PACRG: variants seen among roughly 807,000 people sequenced by gnomAD.
PACRG encodes the protein parkin coregulated gene protein.
Under a neutral mutation model 29.7 loss-of-function variants are expected in PACRG, and 29 were observed. The observed-to-expected ratio is 0.98, with a 90% confidence interval of 0.73 to 1.33. PACRG has a LOEUF of 1.33. Among genes scored for constraint, PACRG ranks in the 40% most tolerant of loss-of-function variants. PACRG has a pLI of 0.00. For missense variants in PACRG, 279 were observed against 316.2 expected (o/e 0.88, Z 0.89); for synonymous variants, 116 against 118.7 (o/e 0.98, Z 0.15).
intron 4 of PACRG, among the ~76,000 whole-genome samples, chr6:163,094,710 A>G (rs1307527384): frequency 6.6e-6 from 1 of 152,172 alleles, no homozygotes; most frequent in African/African-American, 2.4e-5. Context: ...CTACGCAACC[A>G]GTACTTATTT....
chr6:162,884,128 T>A (rs1479656466), intron 2 of PACRG, among the ~76,000 whole-genome samples: 1 of 152,132 alleles, frequency 6.6e-6, no homozygotes, highest in Non-Finnish European at 1.5e-5. Context: ...TTTGTAGAGA[T>A]GGTGTTTCAC....
At chr6:162,787,543 A>T (rs1200968573) in intron 1 of PACRG, among the ~76,000 whole-genome samples, 2 of 138,406 alleles carry the variant, frequency 1.4e-5, no homozygotes, top group Non-Finnish European at 1.5e-5. Context: ...GTGTTTGTGT[A>T]TATATATATG....
At chr6:162,747,204 A>G (rs1043260597) in intron 1 of PACRG, among the ~76,000 whole-genome samples, 2 of 150,362 alleles carry the variant, frequency 1.3e-5, no homozygotes, top group Non-Finnish European at 3.0e-5. Flanking sequence ...AAAAATGTGA[A>G]CAGAGAGACT....
intron 2 of PACRG, among the ~76,000 whole-genome samples, chr6:162,987,402 C>T (rs558985440): frequency 6.6e-5 from 10 of 152,222 alleles, no homozygotes; most frequent in African/African-American, 2.2e-4. Flanking sequence ...TGGCTATGTC[C>T]CCACCCAAAT....
intron 2 of PACRG, among the ~76,000 whole-genome samples, chr6:162,814,596 T>C (rs1474004881): frequency 6.6e-6 from 1 of 152,162 alleles, no homozygotes; most frequent in Non-Finnish European, 1.5e-5. Context: ...ATGGAACTGG[T>C]GGCTGGATAC....
intron 4 of PACRG, among the ~76,000 whole-genome samples, chr6:163,300,326 G>T (rs913595657): frequency 6.6e-6 from 1 of 152,210 alleles, no homozygotes; most frequent in Non-Finnish European, 1.5e-5. Context: ...CCATCCCAAA[G>T]GGCCTAGGAC....
At chr6:163,257,679 A>G (rs944591741) in intron 4 of PACRG, among the ~76,000 whole-genome samples, 2 of 152,190 alleles carry the variant, frequency 1.3e-5, no homozygotes, top group African/African-American at 4.8e-5. Flanking sequence ...TACTGTATAT[A>G]TGTAAGTGTA....
At chr6:162,925,236 C>CA (rs1797346554) in intron 2 of PACRG, among the ~76,000 whole-genome samples, 1 of 152,122 alleles carries the variant, frequency 6.6e-6, no homozygotes, top group Non-Finnish European at 1.5e-5. Flanking sequence ...GCTAGAGGTA[C>CA]AAAGAGGAGC....
At chr6:163,188,605 T>G (rs1370703474) in intron 4 of PACRG, among the ~76,000 whole-genome samples, 1 of 152,218 alleles carries the variant, frequency 6.6e-6, no homozygotes, top group East Asian at 1.9e-4. Context: ...CCTAGAAAGG[T>G]GAAGACTCTT....
intron 4 of PACRG, chr6:163,166,165 G>T (rs899383725): frequency 2.2e-6 from 1 of 456,242 alleles, no homozygotes; most frequent in Non-Finnish European, 4.4e-6. Context: ...CATGTGAAAG[G>T]GTTTTGTGCT....
intron 4 of PACRG, among the ~76,000 whole-genome samples, chr6:163,243,425 C>A (rs1782577817): frequency 1.3e-5 from 2 of 152,196 alleles, no homozygotes; most frequent in African/African-American, 4.8e-5. Flanking sequence ...TATGCCTGCA[C>A]CCCCAACAAG....
chr6:163,219,158 A>G (rs1303426604), intron 4 of PACRG, among the ~76,000 whole-genome samples: 1 of 152,234 alleles, frequency 6.6e-6, no homozygotes, highest in Non-Finnish European at 1.5e-5. Flanking sequence ...ATGTCTAAAT[A>G]GGTGATTTAG....
intron 2 of PACRG, among the ~76,000 whole-genome samples, chr6:163,014,518 ATTT>A (rs34466517): frequency 1.2e-4 from 18 of 150,498 alleles, no homozygotes; most frequent in African/African-American, 2.2e-4. Context: ...GCCAACATGT[ATTT>A]TTTTTTTTTT....
At chr6:162,983,050 A>G (rs1236611665) in intron 2 of PACRG, among the ~76,000 whole-genome samples, 1 of 152,046 alleles carries the variant, frequency 6.6e-6, no homozygotes, top group African/African-American at 2.4e-5. Context: ...TTTTATCATT[A>G]TATGATGTCC....
At chr6:162,870,322 T>A (rs1189160914) in intron 2 of PACRG, among the ~76,000 whole-genome samples, 2 of 152,280 alleles carry the variant, frequency 1.3e-5, no homozygotes, top group African/African-American at 2.4e-5. Flanking sequence ...CTAACTTTTT[T>A]AACTTTTCAC....
chr6:163,033,321 T>G (rs1807843511), intron 2 of PACRG, among the ~76,000 whole-genome samples: 1 of 152,194 alleles, frequency 6.6e-6, no homozygotes, highest in Non-Finnish European at 1.5e-5. Context: ...TCTCCAGCGT[T>G]TAACTTCACA....
chr6:163,309,201 G>T (rs1585418622), intron 4 of PACRG, among the ~76,000 whole-genome samples: 1 of 152,222 alleles, frequency 6.6e-6, no homozygotes, highest in South Asian at 2.1e-4. Flanking sequence ...AAGTGGCTAC[G>T]CCTGGCAGCA....
At chr6:163,187,522 G>A (rs1780003534) in intron 4 of PACRG, among the ~76,000 whole-genome samples, 1 of 152,102 alleles carries the variant, frequency 6.6e-6, no homozygotes, top group South Asian at 2.1e-4. Flanking sequence ...GTGCTGCAAC[G>A]TTGACAGCCC....
chr6:162,842,589 C>T (rs1446668265), intron 2 of PACRG, among the ~76,000 whole-genome samples: 2 of 139,418 alleles, frequency 1.4e-5, no homozygotes, highest in South Asian at 2.4e-4. Context: ...GCATTTAGTC[C>T]ATTTACATTT....
Sources: gnomAD v4.1 joint callset for allele counts (sites outside exome capture counted in the v4.1 genomes callset) on GRCh38, gnomAD v4.1.1 for gene constraint, MANE v1.5 for transcripts, NCBI Gene and HGNC (gene_info 2026-07-23, HGNC 2026-07-21) for gene names.